Variants in ADGRB3 observed in about 807,000 individuals in gnomAD.
ADGRB3 encodes brain-specific angiogenesis inhibitor 3.
A neutral mutation model predicts 193.4 loss-of-function variants in ADGRB3; 37 were observed. The ratio of observed to expected loss-of-function variants is 0.19; its 90% CI spans 0.15 to 0.25. The LOEUF is 0.25. Among genes scored for constraint, ADGRB3 ranks in the 10% least tolerant of loss-of-function variants. The probability of loss-of-function intolerance (pLI) is 1.00; values close to 1 mark genes in which losing one functional copy is unlikely to be tolerated. For synonymous variants in ADGRB3, 690 were observed against 644.2 expected (o/e 1.07, Z -1.08); for missense variants, 1,637 against 1,852.9 (o/e 0.88, Z 2.14).
chr6:68,799,671 A>G (rs1288720403), intron 3 of ADGRB3, among the ~76,000 whole-genome samples: 2 of 152,222 alleles, frequency 1.3e-5, no homozygotes, highest in Non-Finnish European at 2.9e-5. Context: ...TGCTATGGAG[A>G]AAACTAAAGC....
intron 3 of ADGRB3, among the ~76,000 whole-genome samples, chr6:68,831,187 A>T (rs1256146503): frequency 6.6e-6 from 1 of 151,788 alleles, no homozygotes; most frequent in African/African-American, 2.4e-5. Context: ...GAGACACAAT[A>T]AAAAACGTGG....
intron 25 of ADGRB3, among the ~76,000 whole-genome samples, 157 bp downstream of exon 25, chr6:69,339,171 G>A (rs961287661): frequency 2.0e-5 from 3 of 151,608 alleles, no homozygotes; most frequent in African/African-American, 7.3e-5. Context: ...TTGTGGGATA[G>A]TATATAAAAA....
At chr6:69,009,163 G>C (rs1007297179) in intron 11 of ADGRB3, among the ~76,000 whole-genome samples, 5 of 152,000 alleles carry the variant, frequency 3.3e-5, no homozygotes, top group African/African-American at 1.2e-4. Context: ...GAACAAAATA[G>C]AAATAACTTG....
intron 3 of ADGRB3, among the ~76,000 whole-genome samples, chr6:68,743,681 A>C (rs912323796): frequency 6.6e-6 from 1 of 152,164 alleles, no homozygotes; most frequent in Non-Finnish European, 1.5e-5. Flanking sequence ...ACTGACACTC[A>C]GAACTTGCCA....
At chr6:69,246,853 C>T (rs1766509095) in intron 20 of ADGRB3, among the ~76,000 whole-genome samples, 1 of 152,224 alleles carries the variant, frequency 6.6e-6, no homozygotes, top group Middle Eastern at 3.4e-3. Context: ...AGAACTCACT[C>T]AACAGGGAAG....
chr6:68,854,318 T>G (rs1764894302), intron 3 of ADGRB3, among the ~76,000 whole-genome samples: 1 of 152,202 alleles, frequency 6.6e-6, no homozygotes, highest in Non-Finnish European at 1.5e-5. Flanking sequence ...AGAGATTTAT[T>G]ATATAGCATG....
intron 17 of ADGRB3, among the ~76,000 whole-genome samples, chr6:69,209,752 C>T (rs552055958): frequency 6.6e-6 from 1 of 152,264 alleles, no homozygotes; most frequent in Non-Finnish European, 1.5e-5. Context: ...TGGCTACATA[C>T]CAGGTACCAG....
At chr6:69,042,006 T>A (rs1735096746) in intron 13 of ADGRB3, among the ~76,000 whole-genome samples, 1 of 152,168 alleles carries the variant, frequency 6.6e-6, no homozygotes. Context: ...CAGGTGGAGA[T>A]AATTGTAGCA....
chr6:68,657,007 C>T, intron 3 of ADGRB3, among the ~76,000 whole-genome samples: 1 of 151,348 alleles, frequency 6.6e-6, no homozygotes. Flanking sequence ...TTAGGCTGCC[C>T]ATAGAAAATG....
rs375842259 is a variant in ADGRB3 at position 69,388,911 on chromosome 6, G to T, written c.*20G>T. On this transcript the variant is annotated 3_prime_UTR_variant, in exon 32 of 32. Transcript: ENST00000370598. Reference sequence around the variant, plus strand: ...GTTTAAAAAAATCAAAATGGACTAAGGTAGAGACAAAACTTTATTGCACTG... The same window carrying T: ...GTTTAAAAAAATCAAAATGGACTAATGTAGAGACAAAACTTTATTGCACTG... The T allele has an allele frequency of 1.2e-6, 2 of 1,601,564 alleles. No homozygotes were observed. The highest frequency in any genetic ancestry group is 2.7e-5 in the African/African-American group (2 of 74,296).
intron 17 of ADGRB3, among the ~76,000 whole-genome samples, chr6:69,210,293 A>G (rs1048910625): frequency 2.0e-5 from 3 of 151,428 alleles, no homozygotes; most frequent in African/African-American, 4.9e-5. Context: ...CTGATGTTCA[A>G]GGGCAGGGAG....
intron 10 of ADGRB3, among the ~76,000 whole-genome samples, chr6:68,993,125 G>A (rs1390066401): frequency 6.6e-6 from 1 of 151,912 alleles, no homozygotes; most frequent in African/African-American, 2.4e-5. Flanking sequence ...ACTAATTTAA[G>A]CTTTGCATTT....
intron 3 of ADGRB3, among the ~76,000 whole-genome samples, chr6:68,788,092 T>C (rs1428479708): frequency 1.3e-5 from 2 of 152,192 alleles, no homozygotes; most frequent in Non-Finnish European, 1.5e-5. Context: ...TTGTTGATCT[T>C]TTCAAAAAAC....
chr6:69,136,810 G>T (rs1774162869), intron 17 of ADGRB3, among the ~76,000 whole-genome samples: 1 of 152,112 alleles, frequency 6.6e-6, no homozygotes, highest in East Asian at 1.9e-4. Flanking sequence ...CTAGATAGAA[G>T]AGAAAATTTA....
chr6:68,695,303 T>G (rs985125210), intron 3 of ADGRB3, among the ~76,000 whole-genome samples: 2 of 151,986 alleles, frequency 1.3e-5, no homozygotes, highest in African/African-American at 4.8e-5. Context: ...TCTTTTGACA[T>G]CTGTATAGCA....
intron 12 of ADGRB3, among the ~76,000 whole-genome samples, chr6:69,015,729 C>T (rs1284688503): frequency 6.6e-6 from 1 of 151,670 alleles, no homozygotes; most frequent in Non-Finnish European, 1.5e-5. Flanking sequence ...TTTTTGCAAA[C>T]AAAATTTACT....
chr6:69,007,691 TCTCACACACACACACACACA>T (rs1211514877), intron 11 of ADGRB3, among the ~76,000 whole-genome samples: 1 of 73,274 alleles, frequency 1.4e-5, no homozygotes, highest in Non-Finnish European at 2.8e-5. Flanking sequence ...TCTCTCTCTC[TCTCACACACACACACACACA>T]CACACACACA....
At chr6:68,755,513 A>C (rs1050505248) in intron 3 of ADGRB3, among the ~76,000 whole-genome samples, 1 of 152,194 alleles carries the variant, frequency 6.6e-6, no homozygotes, top group Non-Finnish European at 1.5e-5. Context: ...ATTAGGAGGT[A>C]AGGCCACCTG....
intron 15 of ADGRB3, among the ~76,000 whole-genome samples, chr6:69,054,555 A>G (rs1280478231): frequency 6.6e-6 from 1 of 152,144 alleles, no homozygotes; most frequent in Non-Finnish European, 1.5e-5. Flanking sequence ...ACCTTTTTAG[A>G]ATGTCTTCTC....
Sources: allele counts gnomAD v4.1 joint callset (sites outside exome capture counted in the v4.1 genomes callset), GRCh38; gene constraint gnomAD v4.1.1; transcripts MANE v1.5; gene names NCBI Gene and HGNC (gene_info 2026-07-23, HGNC 2026-07-21).